Variants in SMG1 observed in about 807,000 individuals in gnomAD.
SMG1 encodes the protein SMG1 nonsense mediated mRNA decay associated PI3K related kinase.
In SMG1, 22 loss-of-function variants were observed where a neutral mutation model predicts 419.9. The observed-to-expected ratio is 0.05, with a 90% CI of 0.04 to 0.07. The LOEUF (loss-of-function observed/expected upper bound fraction) is 0.07, where lower values mean the gene tolerates loss of function less well. Ranked by LOEUF, SMG1 falls within the 10% of genes least tolerant of loss-of-function variation. The pLI, the probability that SMG1 is intolerant of heterozygous loss-of-function variation, is 1.00. For synonymous variants in SMG1, 1,538 were observed against 1,553.5 expected (o/e 0.99, Z 0.23); for missense variants, 3,185 against 4,342.0 (o/e 0.73, Z 7.49).
chr16:18,919,489 T>G (rs1166025983), intron 1 of SMG1, among the ~76,000 whole-genome samples: 2 of 151,666 alleles, frequency 1.3e-5, no homozygotes, highest in Admixed American at 1.3e-4. Context: ...CCAGGCATCA[T>G]AGCGGGCACC....
intron 9 of SMG1, 50 bp from the exon 10 acceptor site, chr16:18,882,388 A>G: frequency 2.4e-6 from 1 of 412,548 alleles, no homozygotes; most frequent in Non-Finnish European, 3.5e-6. Flanking sequence ...TGTTTTAAAT[A>G]AAAAAAAAAA....
chr16:18,868,310 G>A lies in SMG1; in HGVS notation c.3075C>T (p.Asp1025=). Residue 1025 remains aspartate, a synonymous_variant, in exon 22 of 63, where the codon GAC becomes GAT. Transcript: ENST00000446231. ...FFYTNRQTCQ[D]WLTRIRLSIM... ...TGGAGAGTCGAATCCGCGTTAGCCA[G>A]TCCTGACAAGTTTGGCGATTGGTAT... The A allele has an allele frequency of 1.4e-6, 2 of 1,481,400 alleles. No individual in the cohort carries two copies. Among genetic ancestry groups the A allele is most frequent in the Non-Finnish European group, 9.1e-7 (1 of 1,096,758 alleles). 91.8% of individuals were successfully genotyped at this position (1,481,400 alleles called of 1,614,324 possible).
intron 60 of SMG1, among the ~76,000 whole-genome samples, chr16:18,812,662 A>G (rs976138741): frequency 8.0e-6 from 1 of 124,268 alleles, no homozygotes; most frequent in Non-Finnish European, 1.8e-5. Context: ...ACACACACAC[A>G]TATATATATA....
intron 1 of SMG1, among the ~76,000 whole-genome samples, chr16:18,924,174 G>A (rs569612262): frequency 2.7e-4 from 41 of 151,990 alleles, no homozygotes; most frequent in African/African-American, 9.2e-4. Flanking sequence ...TTCCCCCATC[G>A]CCCCTCCCCA....
intron 1 of SMG1, among the ~76,000 whole-genome samples, chr16:18,919,543 G>A (rs1339862106): frequency 6.6e-6 from 1 of 151,326 alleles, no homozygotes; most frequent in African/African-American, 2.4e-5. Flanking sequence ...AGAATGGCGT[G>A]AACCCGGGAA....
intron 29 of SMG1, chr16:18,857,913 T>C: frequency 4.3e-6 from 1 of 232,872 alleles, no homozygotes; most frequent in South Asian, 1.1e-4. Flanking sequence ...GAAACTTTAG[T>C]AAAGACAAGT....
intron 29 of SMG1, among the ~76,000 whole-genome samples, chr16:18,855,790 C>T (rs2034867119): frequency 6.6e-6 from 1 of 152,150 alleles, no homozygotes; most frequent in South Asian, 2.1e-4. Context: ...TCTTCTAATC[C>T]ATTTTCCAAC....
chr16:18,833,300 T>C (rs1823989289), intron 50 of SMG1, 134 bp from the exon 51 acceptor site: 1 of 594,090 alleles, frequency 1.7e-6, no homozygotes, highest in South Asian at 2.3e-5. Context: ...AGTACATCTT[T>C]TGTTTACTTT....
chr16:18,911,303 A>T (rs2037782717), intron 1 of SMG1: 1 of 151,926 alleles, frequency 6.6e-6, no homozygotes, highest in African/African-American at 2.4e-5. Flanking sequence ...GGAGTTCAAG[A>T]CCAGCCTGGC....
chr16:18,827,412 C>A (rs919695764), intron 55 of SMG1, among the ~76,000 whole-genome samples: 5 of 137,380 alleles, frequency 3.6e-5, no homozygotes, highest in Non-Finnish European at 8.0e-5. Flanking sequence ...GGCAACAAAG[C>A]GAGACTCTGT....
At chr16:18,872,089 T>G in intron 15 of SMG1, 95 bp downstream of exon 15, 1 of 737,674 alleles carries the variant, frequency 1.4e-6, no homozygotes, top group Non-Finnish European at 2.1e-6. Flanking sequence ...AATCCACATT[T>G]TTAAAAATTT....
At chr16:18,846,670 G>T (rs1451715681) in intron 38 of SMG1, among the ~76,000 whole-genome samples, 2 of 152,194 alleles carry the variant, frequency 1.3e-5, no homozygotes, top group East Asian at 3.8e-4. Flanking sequence ...ACCACAGTGA[G>T]ATACCACTTC....
chr16:18,846,122 TTTG>T (rs947892311), intron 38 of SMG1, among the ~76,000 whole-genome samples: 33 of 152,198 alleles, frequency 2.2e-4, no homozygotes, highest in African/African-American at 7.7e-4. Context: ...CCAAGAATTT[TTTG>T]TTTTTTAAAA....
chr16:18,845,567 G>A lies in SMG1; in HGVS notation c.6081C>T (p.Ile2027=), dbSNP rs2141336899. The change falls in exon 39 of 63, where the codon ATC becomes ATT. Residue 2027 remains isoleucine (I), a synonymous_variant. Transcript: ENST00000446231. ...GAGGTGTTTCTGCAGGAGCCGCTGT[G>A]ATACTCCTCACATGCTCCAAAGCAA... ...IVFALEHVRS[I]TAAPAETPHE... 1.2e-6 allele frequency: 2 copies of A among 1,613,854 alleles called. No individual in the cohort carries two copies. Among genetic ancestry groups the A allele is most frequent in the Middle Eastern group, 3.3e-4 (2 of 5,984 alleles).
intron 37 of SMG1, 22 bp downstream of exon 37, chr16:18,847,794 C>A: frequency 6.2e-7 from 1 of 1,606,536 alleles, no homozygotes; most frequent in Non-Finnish European, 8.5e-7. Context: ...AATTCTTCTA[C>A]AACATGTGAG....
intron 28 of SMG1, 184 bp downstream of exon 28, chr16:18,858,838 G>A: frequency 2.0e-6 from 1 of 501,308 alleles, no homozygotes; most frequent in Non-Finnish European, 3.4e-6. Context: ...ATTATCTCAG[G>A]TTCTTCCATC....
At position 18,838,175 on chromosome 16, in the gene SMG1, C is replaced by T. The variant is rs757472131; in HGVS notation, c.7252G>A (p.Val2418Met). The T allele has an allele frequency of 1.2e-6, 2 of 1,613,280 alleles. No homozygotes were observed. The highest frequency in any genetic ancestry group is 1.7e-6 in the Non-Finnish European group (2 of 1,179,550). Residue 2418 changes from valine to methionine, a missense_variant, in exon 45 of 63, where the codon GTG (valine) becomes ATG (methionine). Val to Met is a conservative substitution (Grantham distance 21). Around this residue, in one of 27 missense-constraint regions of SMG1, gnomAD observed 60 missense variants for 133.9 expected, o/e 0.45. Transcript: ENST00000446231. Reference sequence around the variant, plus strand: ...GTCCAGTCCACCAGAGGGTCGTACACAAAGGCCTCCAGCAGCGTCAGCAGG... The same window carrying T: ...GTCCAGTCCACCAGAGGGTCGTACATAAAGGCCTCCAGCAGCGTCAGCAGG... Reference protein sequence around the residue: ...ETLLTLLEAFVYDPLVDWTAG... With the variant: ...ETLLTLLEAFMYDPLVDWTAG...
At chr16:18,840,753 AC>A (rs2033870187) in intron 41 of SMG1, among the ~76,000 whole-genome samples, 1 of 152,232 alleles carries the variant, frequency 6.6e-6, no homozygotes, top group South Asian at 2.1e-4. Flanking sequence ...GCGATTATTT[AC>A]AAATTTAATT....
Position 18,819,646 on chromosome 16 carries a change from T to C in SMG1, c.9750A>G (p.Leu3250=), listed in dbSNP as rs781349958. 8 of 1,564,130 alleles carry C rather than the reference T, an allele frequency of 5.1e-6. No homozygotes were observed. Among genetic ancestry groups the C allele is most frequent in the Admixed American group, 3.9e-5 (2 of 51,050 alleles). The change falls in exon 56 of 63, where the codon CTA becomes CTG. Residue 3250 remains leucine (L), a synonymous_variant. Coordinates refer to ENST00000446231, the MANE Select transcript of SMG1 (RefSeq NM_015092.5). ...ETSIATVQEK[L]AALESSIEQR... ...GTTCAATACTTGATTCAAGTGCAGC[T>C]AGCTTCTCCTATAAAAGCCAGCAGA...
Sources: gnomAD v4.1 joint callset for allele counts (sites outside exome capture counted in the v4.1 genomes callset) on GRCh38, gnomAD v4.1.1 for gene constraint, gnomAD v4.1.1 regional missense constraint, MANE v1.5 for transcripts, NCBI Gene and HGNC (gene_info 2026-07-23, HGNC 2026-07-21) for gene names.